The following ADAMTSL1 variants were observed in gnomAD, a reference collection of about 807,000 sequenced individuals.
The protein encoded by ADAMTSL1 is ADAMTS-like protein 1.
A neutral mutation model predicts 201.8 loss-of-function variants in ADAMTSL1; 126 were observed. The ratio of observed to expected loss-of-function variants is 0.62; its 90% confidence interval spans 0.54 to 0.72. The LOEUF (loss-of-function observed/expected upper bound fraction) is 0.72, where lower values mean the gene tolerates loss of function less well. Among genes scored for constraint, ADAMTSL1 ranks in the 30% least tolerant of loss-of-function variants. ADAMTSL1 has a pLI of 0.00. For missense variants in ADAMTSL1, 2,679 were observed against 2,277.8 expected (o/e 1.18, Z -3.59); for synonymous variants, 1,121 against 903.4 (o/e 1.24, Z -4.32).
intron 15 of ADAMTSL1, among the ~76,000 whole-genome samples, chr9:18,739,494 T>C (rs567568129): frequency 6.6e-6 from 1 of 152,362 alleles, no homozygotes; most frequent in Non-Finnish European, 1.5e-5. Context: ...ATGAGGGATT[T>C]AATAAGCCAA....
intron 7 of ADAMTSL1, among the ~76,000 whole-genome samples, chr9:18,642,748 A>G (rs373168993): frequency 2.0e-5 from 3 of 151,970 alleles, no homozygotes; most frequent in East Asian, 1.9e-4. Context: ...CCACATTGTC[A>G]CAATGACGGG....
rs1269930346 is a variant in ADAMTSL1, at chr9:18,770,716, G to T, written c.2332G>T (p.Ala778Ser). The change falls in exon 17 of 29, where the codon GCC becomes TCC. Residue 778 changes from alanine to serine, a missense_variant. Physicochemically the swap from Ala to Ser is moderately conservative, Grantham distance 99 (BLOSUM62 1). Transcript: ENST00000380548. Reference protein sequence around the residue: ...PETFCSASKPACQQACKKDDC... With the variant: ...PETFCSASKPSCQQACKKDDC... The stretch of plus-strand genomic sequence containing the variant: ...GACCTTCTGTTCAGCTTCAAAACCT[G>T]CCTGCCAGCAAGCATGCAAGAAAGA... 3.1e-6 allele frequency: 5 copies of T among 1,613,836 alleles called. No homozygotes were observed. The highest frequency in any genetic ancestry group is 4.2e-6 in the Non-Finnish European group (5 of 1,179,852).
chr9:18,204,578 G>C (rs561125991), intron 2 of ADAMTSL1, among the ~76,000 whole-genome samples: 9 of 152,222 alleles, frequency 5.9e-5, no homozygotes, highest in African/African-American at 2.2e-4. Flanking sequence ...TGACTTTCAT[G>C]CCCAGCATGT....
At chr9:18,165,299 AT>A (rs1827584227) in intron 2 of ADAMTSL1, among the ~76,000 whole-genome samples, 1 of 151,948 alleles carries the variant, frequency 6.6e-6, no homozygotes. Context: ...TAGATACTAC[AT>A]GAAAACTTCA....
intron 11 of ADAMTSL1, among the ~76,000 whole-genome samples, 170 bp from the exon 12 acceptor site, chr9:18,681,642 A>G (rs2133173300): frequency 7.6e-6 from 1 of 131,134 alleles, no homozygotes; most frequent in Non-Finnish European, 1.6e-5. Context: ...AGCCAAATAG[A>G]ACAAAGATCC....
chr9:18,856,166 A>T (rs1345054567), intron 23 of ADAMTSL1, among the ~76,000 whole-genome samples: 1 of 152,218 alleles, frequency 6.6e-6, no homozygotes, highest in Non-Finnish European at 1.5e-5. Context: ...CACTGAAATG[A>T]TGCCAAAAAT....
rs1181864519 is a variant in ADAMTSL1 at position 18,635,953 on chromosome 9, T to C, written c.612T>C (p.Thr204=). The C allele has an allele frequency of 1.9e-6, 3 of 1,602,082 alleles. No individual in the cohort carries two copies. The highest frequency in any genetic ancestry group is 8.5e-7 in the Non-Finnish European group (1 of 1,177,304). Residue 204 remains threonine (T), a synonymous_variant, in exon 6 of 29, where the codon ACT becomes ACC. Coordinates refer to ENST00000380548, the MANE Select transcript of ADAMTSL1 (RefSeq NM_001040272.6). ...SQLSATKSDD[T]VVAIPYGSRH... ...TTTGTTTCTCTCTAGCGGATGATACTGTGGTTGCAATTCCCTATGGAAGTA... is the reference window on the plus strand; with the variant it reads ...TTTGTTTCTCTCTAGCGGATGATACCGTGGTTGCAATTCCCTATGGAAGTA...
At chr9:18,714,452 A>C (rs2133378213) in intron 14 of ADAMTSL1, among the ~76,000 whole-genome samples, 1 of 152,358 alleles carries the variant, frequency 6.6e-6, no homozygotes. Context: ...GTACCATCAG[A>C]GAATACTACA....
chr9:18,720,514 T>C (rs888260392), intron 14 of ADAMTSL1, among the ~76,000 whole-genome samples: 1 of 152,220 alleles, frequency 6.6e-6, no homozygotes, highest in Non-Finnish European at 1.5e-5. Flanking sequence ...CCAGGTGCAA[T>C]GGCTCACGCC....
intron 26 of ADAMTSL1, among the ~76,000 whole-genome samples, chr9:18,900,414 A>G (rs934284339): frequency 1.3e-5 from 2 of 152,206 alleles, no homozygotes; most frequent in African/African-American, 4.8e-5. Flanking sequence ...TGACCCAGCA[A>G]TCCCATTACT....
At chr9:17,929,334 A>C (rs547699547) in intron 1 of ADAMTSL1, among the ~76,000 whole-genome samples, 8 of 152,166 alleles carry the variant, frequency 5.3e-5, no homozygotes, top group African/African-American at 1.9e-4. Context: ...CACCCCCATG[A>C]AATCTTAACA....
At chr9:18,474,876 T>A (rs1296368662) in intron 1 of ADAMTSL1, among the ~76,000 whole-genome samples, 4 of 152,158 alleles carry the variant, frequency 2.6e-5, no homozygotes, top group Non-Finnish European at 4.4e-5. Flanking sequence ...TGGCCTTTGA[T>A]CTCAAATTTA....
intron 2 of ADAMTSL1, among the ~76,000 whole-genome samples, chr9:18,187,171 C>A (rs59630581): frequency 0.079 from 11,953 of 152,162 alleles, 521 homozygotes; most frequent in Middle Eastern, 0.16. Context: ...TAACTTCTCT[C>A]TGTTGATGCA....
At chr9:18,185,541 C>T (rs143452244) in intron 2 of ADAMTSL1, among the ~76,000 whole-genome samples, 1 of 152,170 alleles carries the variant, frequency 6.6e-6, no homozygotes, top group African/African-American at 2.4e-5. Context: ...ATTTGTTATG[C>T]AGCATGGAAA....
In ADAMTSL1 at chr9:18,785,858, T is replaced by G. The variant is rs148455937; in HGVS notation, c.3677+7952T>G. 6.9e-3 allele frequency among the ~76,000 whole-genome samples: 1,044 copies of G among 152,316 alleles called. 19 individuals carry two copies. The highest frequency in any genetic ancestry group is 0.024 in the African/African-American group (1,018 of 41,568). ...TGTAGAAGAGCCAGATTCTCCAAAA[T>G]TGGCACTGCACATTGGATTACCAAA... On this transcript the variant is annotated intron_variant, in intron 19 of 28. Coordinates refer to ENST00000380548, the MANE Select transcript of ADAMTSL1 (RefSeq NM_001040272.6).
chr9:18,099,731 G>A (rs769017667), intron 1 of ADAMTSL1, among the ~76,000 whole-genome samples: 48 of 149,208 alleles, frequency 3.2e-4, no homozygotes, highest in Non-Finnish European at 5.2e-4. Context: ...TCTGCCTCCC[G>A]GGTTCACGCC....
At chr9:18,551,397 A>C (rs78288882) in intron 3 of ADAMTSL1, among the ~76,000 whole-genome samples, 4,594 of 151,930 alleles carry the variant, frequency 0.03, 87 homozygotes, top group Non-Finnish European at 0.047. Context: ...GATTTTAATA[A>C]AAGAAATTGG....
At chr9:18,577,165 G>C (rs1003721802) in intron 4 of ADAMTSL1, among the ~76,000 whole-genome samples, 1 of 152,102 alleles carries the variant, frequency 6.6e-6, no homozygotes, top group African/African-American at 2.4e-5. Context: ...TTACAGATTG[G>C]AAAGCAGACA....
At chr9:18,533,165 A>T in intron 2 of ADAMTSL1, 82 bp from the exon 3 acceptor site, 1 of 1,246,556 alleles carries the variant, frequency 8.0e-7, no homozygotes, top group Non-Finnish European at 1.1e-6. Context: ...ACTAGTATTT[A>T]GAGCAAATTT....
Sources: gnomAD v4.1 joint callset for allele counts (sites outside exome capture counted in the v4.1 genomes callset) on GRCh38, gnomAD v4.1.1 for gene constraint, MANE v1.5 for transcripts, NCBI Gene and HGNC (gene_info 2026-07-23, HGNC 2026-07-21) for gene names.